The following WDR4 variants were observed in gnomAD, a reference collection of about 807,000 sequenced individuals.
The protein encoded by WDR4 is WDR4 tRNA N7-guanosine methyltransferase non-catalytic subunit, also known as tRNA (guanine-N(7)-)-methyltransferase non-catalytic subunit WDR4.
WDR4 carries 47 observed loss-of-function variants against 48.6 expected under a neutral mutation model. The observed-to-expected ratio is 0.97, with a 90% CI of 0.77 to 1.23. The LOEUF (loss-of-function observed/expected upper bound fraction) is 1.23, where lower values mean the gene tolerates loss of function less well. WDR4 is among the 50% of genes most tolerant of loss of function. The pLI is 0.00. For missense variants in WDR4, 606 were observed against 551.6 expected (o/e 1.10, Z -0.99); for synonymous variants, 268 against 230.0 (o/e 1.17, Z -1.49).
chr21:42,873,859 C>G (rs1329789385), intron 2 of WDR4, among the ~76,000 whole-genome samples, 168 bp from the exon 3 acceptor site: 1 of 152,116 alleles, frequency 6.6e-6, no homozygotes, highest in Non-Finnish European at 1.5e-5. Context: ...TTCAAAACAG[C>G]TCTAATTTTA....
chr21:42,846,991 T>C (rs1376378092), downstream of WDR4, among the ~76,000 whole-genome samples: 1 of 151,568 alleles, frequency 6.6e-6, no homozygotes, highest in Non-Finnish European at 1.5e-5. Context: ...TGAGCCGAGA[T>C]TGTGCCACCG....
chr21:42,859,583 C>CAGCGATCCACAGGGGCT, intron 6 of WDR4, 79 bp downstream of exon 6: 6 of 1,377,406 alleles, frequency 4.4e-6, no homozygotes, highest in Non-Finnish European at 6.0e-6. Context: ...CCACAGGGGC[C>CAGCGATCCACAGGGGCT]AGGTCCAGGA....
intron 2 of WDR4, among the ~76,000 whole-genome samples, chr21:42,876,415 T>G (rs2058493755): frequency 6.6e-6 from 1 of 152,102 alleles, no homozygotes; most frequent in Admixed American, 6.6e-5. Flanking sequence ...GGTTTCGCCA[T>G]GTTGGCCAGG....
chr21:42,883,115 A>G (rs1189025770), upstream of WDR4, among the ~76,000 whole-genome samples: 1 of 150,358 alleles, frequency 6.7e-6, no homozygotes, highest in Non-Finnish European at 1.5e-5. Context: ...AAAAAAAAAA[A>G]AATAGAAAAA....
At chr21:42,881,750 A>G (rs1417301185), upstream of WDR4, among the ~76,000 whole-genome samples, 1 of 152,214 alleles carries the variant, frequency 6.6e-6, no homozygotes, top group Non-Finnish European at 1.5e-5. Flanking sequence ...TAGCATGCAT[A>G]TCTTCCTTGT....
chr21:42,892,344 C>T, the WDR4 span, among the ~76,000 whole-genome samples: 15 of 151,678 alleles, frequency 9.9e-5, no homozygotes, highest in Non-Finnish European at 1.6e-4. Flanking sequence ...CATGATTATC[C>T]TAAGATCTAA....
intron 3 of WDR4, among the ~76,000 whole-genome samples, chr21:42,868,456 C>T (rs935978000): frequency 2.6e-5 from 4 of 152,196 alleles, no homozygotes; most frequent in Admixed American, 6.5e-5. Context: ...GCTCCCTGCC[C>T]GCTCACCCCC....
Position 42,862,350 on chromosome 21 carries a change from G to A in WDR4, c.498C>T (p.Asp166=), listed in dbSNP as rs1569324007. 8 of 1,611,550 alleles carry A rather than the reference G, an allele frequency of 5.0e-6. No individual in the cohort carries two copies. The highest frequency in any genetic ancestry group is 1.1e-5 in the South Asian group (1 of 90,420). ...DDRFILTADR[D]EKIRVSWAAA... ...CGGCCCAGCTGACTCGGATCTTCTC[G>A]TCCCGGTCGGCAGTGAGGATGAAGC... Residue 166 remains aspartate, a synonymous_variant, in exon 5 of 11, where the codon GAC becomes GAT. Transcript: ENST00000398208. The surrounding 1 kb of genome is among the most constrained non-coding windows in gnomAD (Gnocchi z 4.3).
intron 10 of WDR4, 85 bp downstream of exon 10, chr21:42,852,170 G>C: frequency 7.2e-7 from 1 of 1,398,044 alleles, no homozygotes; most frequent in Non-Finnish European, 1.0e-6. Context: ...CAGGTACCCC[G>C]GGCAGGTCAC....
downstream of WDR4, among the ~76,000 whole-genome samples, chr21:42,847,802 A>AG (rs2057724020): frequency 6.6e-6 from 1 of 152,070 alleles, no homozygotes; most frequent in African/African-American, 2.4e-5. Context: ...GGCCGTGGGC[A>AG]GGATGCAGCG....
chr21:42,847,188 A>G (rs1321736837), downstream of WDR4, among the ~76,000 whole-genome samples: 2 of 152,242 alleles, frequency 1.3e-5, no homozygotes, highest in Non-Finnish European at 2.9e-5. Flanking sequence ...ATCCTCCCAG[A>G]TGGCAAACAG....
In WDR4 at chr21:42,863,577, T is replaced by C. The variant is rs777498800; in HGVS notation, c.316A>G (p.Thr106Ala). 8 of 1,613,488 alleles carry C rather than the reference T, an allele frequency of 5.0e-6. No individual in the cohort carries two copies. The East Asian group carries it at 1.3e-4, about 27-fold the overall frequency. The part of the protein sequence containing the change: ...LSVRTVARRC[T>A]ALTFIASEEK... ...TCCGAGGCTATGAAAGTCAGGGCTGTACACCTCCTTGCCACGGTCCTAGAA... is the reference window on the plus strand; with the variant it reads ...TCCGAGGCTATGAAAGTCAGGGCTGCACACCTCCTTGCCACGGTCCTAGAA... Residue 106 changes from threonine (T) to alanine (A), a missense_variant, in exon 4 of 11, where the codon ACA becomes GCA. Transcript: ENST00000398208.
chr21:42,882,249 G>C (rs2058615026), upstream of WDR4, among the ~76,000 whole-genome samples: 1 of 150,120 alleles, frequency 6.7e-6, no homozygotes, highest in African/African-American at 2.5e-5. Context: ...GTGAGTGTGG[G>C]CTTTCTTTTT....
chr21:42,856,394 A>AT (rs2057992908), intron 6 of WDR4, among the ~76,000 whole-genome samples: 1 of 151,940 alleles, frequency 6.6e-6, no homozygotes, highest in Non-Finnish European at 1.5e-5. Flanking sequence ...ATCTGTTGTT[A>AT]TTTTTTTGTT....
intron 2 of WDR4, 78 bp downstream of exon 2, chr21:42,876,624 A>G (rs1206463733): frequency 7.2e-7 from 1 of 1,380,316 alleles, no homozygotes; most frequent in Non-Finnish European, 1.0e-6. Context: ...CAAGTAGGAC[A>G]ACAATTGCTT....
intron 5 of WDR4, among the ~76,000 whole-genome samples, chr21:42,861,521 G>C (rs778536574): frequency 6.6e-6 from 1 of 152,156 alleles, no homozygotes; most frequent in Non-Finnish European, 1.5e-5. Context: ...AGACCCCAGC[G>C]AGAGATGGTG....
chr21:42,868,824 A>G (rs2058307290), intron 3 of WDR4, among the ~76,000 whole-genome samples: 1 of 152,246 alleles, frequency 6.6e-6, no homozygotes, highest in South Asian at 2.1e-4. Flanking sequence ...CTGTTGTCAC[A>G]CATTGGTGCC....
Position 42,850,070 on chromosome 21 carries a change from C to T in WDR4, c.1218G>A (p.Gly406=), listed in dbSNP as rs144672912. The change falls in exon 11 of 11, where the codon GGG becomes GGA. Residue 406 remains glycine (G), a synonymous_variant. Transcript: ENST00000398208. ...PDGHAKKMRP[G]EATLSC ...ACGATCAGCAACTTAGCGTCGCCTCCCCCGGTCTCATCTTCTTGGCATGCC... is the reference window on the plus strand; with the variant it reads ...ACGATCAGCAACTTAGCGTCGCCTCTCCCGGTCTCATCTTCTTGGCATGCC... 6.2e-6 allele frequency: 10 copies of T among 1,614,002 alleles called. No individual in the cohort carries two copies. Among genetic ancestry groups the T allele is most frequent in the Non-Finnish European group, 8.5e-6 (10 of 1,180,000 alleles).
At chr21:42,872,610 CAAAA>C (rs536689165) in intron 3 of WDR4, among the ~76,000 whole-genome samples, 2 of 78,600 alleles carry the variant, frequency 2.5e-5, no homozygotes, top group African/African-American at 4.7e-5. Flanking sequence ...GACCCTTCTC[CAAAA>C]AAAAAAAAAA....
Sources: allele counts gnomAD v4.1 joint callset (sites outside exome capture counted in the v4.1 genomes callset), GRCh38; gene constraint gnomAD v4.1.1; non-coding constraint Gnocchi (gnomAD v3.1); transcripts MANE v1.5; gene names NCBI Gene and HGNC (gene_info 2026-07-23, HGNC 2026-07-21).